The following SORCS1 variants were observed in gnomAD, a reference collection of about 807,000 sequenced individuals.
SORCS1 encodes the protein sortilin related VPS10 domain containing receptor 1.
Under a neutral mutation model 146.1 loss-of-function variants are expected in SORCS1, and 60 were observed. The observed-to-expected ratio is 0.41, with a 90% CI of 0.33 to 0.51. The LOEUF (loss-of-function observed/expected upper bound fraction) is 0.51. Among genes scored for constraint, SORCS1 ranks in the 20% least tolerant of loss-of-function variants. The pLI, the probability that SORCS1 is intolerant of heterozygous loss-of-function variation, is 0.21. For synonymous variants in SORCS1, 637 were observed against 584.0 expected (o/e 1.09, Z -1.31); for missense variants, 1,352 against 1,487.6 (o/e 0.91, Z 1.50).
intron 1 of SORCS1, among the ~76,000 whole-genome samples, chr10:107,025,915 G>A (rs1354812414): frequency 6.6e-6 from 1 of 152,216 alleles, no homozygotes; most frequent in Non-Finnish European, 1.5e-5. Flanking sequence ...GAAGAGATAA[G>A]CCCTGGAATG....
At chr10:106,854,043 A>G (rs190528291) in intron 2 of SORCS1, among the ~76,000 whole-genome samples, 1 of 151,790 alleles carries the variant, frequency 6.6e-6, no homozygotes, top group Non-Finnish European at 1.5e-5. Context: ...TTTTTGAAAG[A>G]CGATGTTAAG....
intron 3 of SORCS1, among the ~76,000 whole-genome samples, chr10:106,792,787 C>A (rs1417524281): frequency 2.0e-5 from 3 of 152,146 alleles, no homozygotes; most frequent in African/African-American, 7.2e-5. Flanking sequence ...TAAATGGAAC[C>A]TTATGTGCCT....
intron 19 of SORCS1, among the ~76,000 whole-genome samples, chr10:106,625,861 A>G (rs1848074981): frequency 6.6e-6 from 1 of 152,046 alleles, no homozygotes; most frequent in African/African-American, 2.4e-5. Context: ...CTGAGCAGAA[A>G]TCTGCATGCT....
chr10:106,916,954 G>A (rs1462161777), intron 2 of SORCS1, among the ~76,000 whole-genome samples: 1 of 152,098 alleles, frequency 6.6e-6, no homozygotes, highest in Non-Finnish European at 1.5e-5. Flanking sequence ...TGTTGGCCAG[G>A]CTGGTCTCGA....
chr10:106,667,591 A>G, intron 17 of SORCS1, 98 bp downstream of exon 17: 1 of 792,762 alleles, frequency 1.3e-6, no homozygotes, highest in Non-Finnish European at 2.1e-6. Flanking sequence ...CTGTAAGGAA[A>G]TATGCTTGGT....
intron 1 of SORCS1, among the ~76,000 whole-genome samples, chr10:107,078,056 G>A (rs1267672100): frequency 6.6e-6 from 1 of 152,110 alleles, no homozygotes; most frequent in Non-Finnish European, 1.5e-5. Flanking sequence ...AGTGTTAGGT[G>A]AGTAAAGAGA....
At chr10:107,170,217 AT>A in the SORCS1 span, among the ~76,000 whole-genome samples, 4 of 152,200 alleles carry the variant, frequency 2.6e-5, no homozygotes, top group Non-Finnish European at 5.9e-5. Context: ...TAAGTCTAAT[AT>A]AAAAAGGCTT....
chr10:106,752,626 T>C (rs375639398), intron 5 of SORCS1, among the ~76,000 whole-genome samples: 2 of 152,300 alleles, frequency 1.3e-5, no homozygotes, highest in African/African-American at 4.8e-5. Context: ...TCAATTTATG[T>C]TGCAAACAAT....
At chr10:106,731,032 G>A (rs1413981111) in intron 5 of SORCS1, among the ~76,000 whole-genome samples, 3 of 152,064 alleles carry the variant, frequency 2.0e-5, no homozygotes, top group East Asian at 1.9e-4. Context: ...TCCCTGGGCC[G>A]GGCGTGGTGG....
At position 106,889,889 on chromosome 10, in the gene SORCS1, A is replaced by T. The variant is rs866947906; in HGVS notation, c.627-60216T>A. On this transcript the variant is annotated intron_variant, in intron 2 of 25. Transcript: ENST00000263054. ...GACAGAGTGAGACTACGTCTCAAAT[A>T]AAAAAAAAAAAAAAAAAAAAAAGCA... 1.3e-3 allele frequency among the ~76,000 whole-genome samples: 128 copies of T among 102,078 alleles called. 2 individuals are homozygous for T. Among genetic ancestry groups the T allele is most frequent in the Middle Eastern group, 3.9e-3 (1 of 256 alleles). The allele number at this position is 102,078 out of a possible 152,430, so 67.0% of individuals were successfully genotyped here.
intron 10 of SORCS1, among the ~76,000 whole-genome samples, chr10:106,683,903 G>C (rs1852625621): frequency 1.3e-5 from 2 of 152,204 alleles, no homozygotes; most frequent in Non-Finnish European, 2.9e-5. Context: ...GCTGGGTATG[G>C]GGAATTCAGC....
At chr10:106,612,954 T>C (rs1312931635) in intron 21 of SORCS1, among the ~76,000 whole-genome samples, 1 of 152,064 alleles carries the variant, frequency 6.6e-6, no homozygotes, top group African/African-American at 2.4e-5. Flanking sequence ...CAAGCTCTAG[T>C]TGAAGCACTC....
intron 4 of SORCS1, among the ~76,000 whole-genome samples, chr10:106,769,540 G>A (rs1386770358): frequency 6.6e-6 from 1 of 150,932 alleles, no homozygotes; most frequent in African/African-American, 2.4e-5. Flanking sequence ...ATAAAGAGAA[G>A]ATTTTTTGTT....
At chr10:106,843,729 C>A (rs150900106) in intron 2 of SORCS1, among the ~76,000 whole-genome samples, 41 of 152,274 alleles carry the variant, frequency 2.7e-4, no homozygotes, top group African/African-American at 9.9e-4. Flanking sequence ...GCCACTGCAC[C>A]CAGACAAGAT....
chr10:106,953,084 A>T (rs1161964725), intron 2 of SORCS1, among the ~76,000 whole-genome samples: 1 of 152,064 alleles, frequency 6.6e-6, no homozygotes, highest in Non-Finnish European at 1.5e-5. Context: ...AGTATATGAC[A>T]TATGGCAAAT....
chr10:107,157,426 T>C (rs1969374361), intron 1 of SORCS1, among the ~76,000 whole-genome samples: 2 of 152,106 alleles, frequency 1.3e-5, no homozygotes, highest in Non-Finnish European at 2.9e-5. Context: ...TATCTGAGAG[T>C]GTAGATGATA....
At chr10:106,802,958 G>A (rs552380848) in intron 3 of SORCS1, among the ~76,000 whole-genome samples, 19 of 152,244 alleles carry the variant, frequency 1.2e-4, no homozygotes, top group African/African-American at 3.6e-4. Context: ...TTAAAACTTC[G>A]TTAAAATGCT....
At position 106,677,283 on chromosome 10, in the gene SORCS1, G is replaced by A. The variant is rs761037437; in HGVS notation, c.1832+30C>T. 4.8e-5 allele frequency: 76 copies of A among 1,587,128 alleles called. 1 individual carries two copies. In the South Asian group the frequency reaches 8.4e-4, roughly 18 times the overall value. The stretch of plus-strand genomic sequence containing the variant: ...TCTTAGCAGTTCAGGACCATCAGGT[G>A]CAGATTTCACAGGCAGCATGTGCCC... On this transcript the variant is annotated intron_variant, in intron 13 of 25. Transcript: ENST00000263054.
At chr10:107,079,397 T>C (rs1296248337) in intron 1 of SORCS1, among the ~76,000 whole-genome samples, 1 of 152,174 alleles carries the variant, frequency 6.6e-6, no homozygotes, top group African/African-American at 2.4e-5. Flanking sequence ...ACTACACATA[T>C]TTAAAATGGC....
Sources: gnomAD v4.1 joint callset for allele counts (sites outside exome capture counted in the v4.1 genomes callset) on GRCh38, gnomAD v4.1.1 for gene constraint, MANE v1.5 for transcripts, NCBI Gene and HGNC (gene_info 2026-07-23, HGNC 2026-07-21) for gene names.